CTNND2: variants seen among roughly 807,000 people sequenced by gnomAD.
CTNND2 encodes catenin delta 2, also known as catenin delta-2.
Under a neutral mutation model 144.4 loss-of-function variants are expected in CTNND2, and 22 were observed. That is an observed-to-expected ratio of 0.15 (90% confidence interval 0.11 to 0.22). The LOEUF (loss-of-function observed/expected upper bound fraction) is 0.22. Ranked by LOEUF, CTNND2 falls within the 10% of genes least tolerant of loss-of-function variation. The pLI is 1.00. For missense variants in CTNND2, 1,353 were observed against 1,618.8 expected, an observed-to-expected ratio of 0.84 and a Z score of 2.82; for synonymous variants, 751 against 695.6, an observed-to-expected ratio of 1.08 and a Z score of -1.25.
intron 18 of CTNND2, among the ~76,000 whole-genome samples, chr5:11,011,674 T>C (rs1285985309): frequency 6.6e-6 from 1 of 152,168 alleles, no homozygotes; most frequent in African/African-American, 2.4e-5. Context: ...CCTGACCCTT[T>C]CCATAGTAAC....
intron 10 of CTNND2, 50 bp from the exon 11 acceptor site, chr5:11,199,711 A>T: frequency 1.5e-6 from 2 of 1,357,464 alleles, no homozygotes; most frequent in South Asian, 2.3e-5. Flanking sequence ...AGGTTTCCCT[A>T]CCTACACCAA....
chr5:11,008,797 A>G (rs1352615949), intron 18 of CTNND2, among the ~76,000 whole-genome samples: 2 of 152,166 alleles, frequency 1.3e-5, no homozygotes, highest in African/African-American at 2.4e-5. Flanking sequence ...GAAGTAATCA[A>G]TTGGTTGGGG....
At chr5:11,151,010 G>A (rs1340126043) in intron 12 of CTNND2, among the ~76,000 whole-genome samples, 2 of 152,196 alleles carry the variant, frequency 1.3e-5, no homozygotes, top group Non-Finnish European at 2.9e-5. Context: ...ACAAGCTGGA[G>A]ATCTTCACTT....
At chr5:11,210,356 C>T (rs903677935) in intron 10 of CTNND2, among the ~76,000 whole-genome samples, 2 of 152,082 alleles carry the variant, frequency 1.3e-5, no homozygotes, top group African/African-American at 2.4e-5. Context: ...CTAGATCTTG[C>T]CACTGTACTC....
chr5:11,098,769 G>C, intron 14 of CTNND2, 21 bp from the exon 15 acceptor site: 1 of 1,609,658 alleles, frequency 6.2e-7, no homozygotes, highest in Non-Finnish European at 8.5e-7. Flanking sequence ...AAAAACAAGA[G>C]AGCAAACATC....
chr5:11,033,030 T>C (rs990798750), intron 16 of CTNND2, among the ~76,000 whole-genome samples: 4 of 152,236 alleles, frequency 2.6e-5, no homozygotes, highest in African/African-American at 7.2e-5. Context: ...ACATAAGATA[T>C]AGCCATTGCT....
At chr5:11,225,597 C>G (rs981723944) in intron 10 of CTNND2, among the ~76,000 whole-genome samples, 6 of 152,156 alleles carry the variant, frequency 3.9e-5, no homozygotes, top group African/African-American at 1.4e-4. Flanking sequence ...CCAAACCACC[C>G]TGCCAAAAAG....
chr5:11,020,738 A>T (rs1271806109), intron 17 of CTNND2, among the ~76,000 whole-genome samples: 2 of 150,890 alleles, frequency 1.3e-5, no homozygotes. Context: ...CAGTATATAT[A>T]TAAAAAAAGA....
At chr5:11,511,487 C>T (rs1368157474) in intron 3 of CTNND2, among the ~76,000 whole-genome samples, 1 of 152,122 alleles carries the variant, frequency 6.6e-6, no homozygotes, top group Non-Finnish European at 1.5e-5. Context: ...AAACCCAGGA[C>T]CCCTCACATC....
intron 1 of CTNND2, among the ~76,000 whole-genome samples, chr5:11,782,568 G>A (rs766319290): frequency 6.6e-6 from 1 of 152,214 alleles, no homozygotes; most frequent in African/African-American, 2.4e-5. Context: ...CTCTTGTGAA[G>A]TCTCATCCTT....
intron 2 of CTNND2, among the ~76,000 whole-genome samples, chr5:11,660,668 T>C (rs1482600755): frequency 6.6e-6 from 1 of 152,148 alleles, no homozygotes; most frequent in Non-Finnish European, 1.5e-5. Context: ...ATGGTGACAT[T>C]GAACGTGTTT....
intron 9 of CTNND2, among the ~76,000 whole-genome samples, chr5:11,341,546 C>T (rs942297468): frequency 6.6e-6 from 1 of 152,122 alleles, no homozygotes; most frequent in African/African-American, 2.4e-5. Flanking sequence ...AAGTTAAAAG[C>T]AAACTACCCA....
intron 15 of CTNND2, 89 bp downstream of exon 15, chr5:11,098,486 G>T: frequency 8.7e-7 from 1 of 1,153,192 alleles, no homozygotes; most frequent in Non-Finnish European, 1.2e-6. Flanking sequence ...CTTTATTAGA[G>T]TTGCATTTCT....
At chr5:11,349,575 T>A (rs1179242217) in intron 8 of CTNND2, among the ~76,000 whole-genome samples, 1 of 152,102 alleles carries the variant, frequency 6.6e-6, no homozygotes, top group Non-Finnish European at 1.5e-5. Context: ...GATTATTGAA[T>A]TACCTAATAC....
chr5:11,218,245 C>G (rs547617772), intron 10 of CTNND2, among the ~76,000 whole-genome samples: 34 of 152,202 alleles, frequency 2.2e-4, no homozygotes, highest in South Asian at 8.3e-4. Context: ...CGTCAGTTGA[C>G]AAATATCCCT....
chr5:11,477,647 T>A (rs939294108), intron 3 of CTNND2, among the ~76,000 whole-genome samples: 1 of 152,276 alleles, frequency 6.6e-6, no homozygotes, highest in Admixed American at 6.5e-5. Context: ...ACTCCTGGGA[T>A]GAAGCAATCC....
intron 16 of CTNND2, among the ~76,000 whole-genome samples, chr5:11,066,584 G>A (rs1747633641): frequency 1.3e-5 from 2 of 151,528 alleles, no homozygotes; most frequent in Non-Finnish European, 2.9e-5. Context: ...AAAACCAAGT[G>A]CACCCTGACC....
At chr5:11,295,898 A>G (rs987207119) in intron 9 of CTNND2, among the ~76,000 whole-genome samples, 1 of 152,176 alleles carries the variant, frequency 6.6e-6, no homozygotes, top group Non-Finnish European at 1.5e-5. Flanking sequence ...AAACCTAGGC[A>G]ATACCATTCA....
At chr5:11,647,018 G>A (rs1782391533) in intron 2 of CTNND2, among the ~76,000 whole-genome samples, 1 of 152,134 alleles carries the variant, frequency 6.6e-6, no homozygotes, top group Non-Finnish European at 1.5e-5. Flanking sequence ...TTCTGATTCA[G>A]CCTCCTCCCC....
Sources: allele counts gnomAD v4.1 joint callset (sites outside exome capture counted in the v4.1 genomes callset), GRCh38; gene constraint gnomAD v4.1.1; transcripts MANE v1.5; gene names NCBI Gene and HGNC (gene_info 2026-07-23, HGNC 2026-07-21).